Variants in CPA6 observed in about 807,000 individuals in gnomAD.
The protein encoded by CPA6 is carboxypeptidase A6.
Under a neutral mutation model 63.3 loss-of-function variants are expected in CPA6, and 58 were observed. That is an observed-to-expected ratio of 0.92 (90% CI 0.74 to 1.14). CPA6 has a LOEUF of 1.14. CPA6 is among the 50% of genes most tolerant of loss of function. CPA6 has a pLI of 0.00. For synonymous variants in CPA6, 185 were observed against 179.0 expected (o/e 1.03, Z -0.27); for missense variants, 565 against 526.6 (o/e 1.07, Z -0.71).
At chr8:67,626,392 A>G (rs185069795) in intron 1 of CPA6, among the ~76,000 whole-genome samples, 2 of 152,296 alleles carry the variant, frequency 1.3e-5, no homozygotes, top group Non-Finnish European at 2.9e-5. Context: ...CTTTAGGCCT[A>G]TGAATAAAAA....
At position 67,485,940 on chromosome 8, in the gene CPA6, G is replaced by A. The variant is rs190801741; in HGVS notation, c.637-1151C>T. ...ATATAGAATCTGATGAGTCTGGTAG[G>A]ATGTGTCTCCCCATGTTTTTTGAGT... is the stretch of plus-strand genomic sequence containing the variant. On this transcript the variant is annotated intron_variant, in intron 6 of 10. Transcript: ENST00000297770. Among the ~76,000 whole-genome samples, 175 of 152,276 alleles carry A rather than the reference G, an allele frequency of 1.1e-3. 1 individual carries two copies. The highest frequency in any genetic ancestry group is 3.8e-3 in the African/African-American group (156 of 41,556).
At chr8:67,714,017 C>T (rs781472018) in intron 1 of CPA6, among the ~76,000 whole-genome samples, 1 of 151,986 alleles carries the variant, frequency 6.6e-6, no homozygotes, top group Non-Finnish European at 1.5e-5. Context: ...AAATAATTGC[C>T]ATGTTAAAAT....
intron 2 of CPA6, among the ~76,000 whole-genome samples, chr8:67,606,292 T>A (rs901318722): frequency 6.6e-6 from 1 of 151,886 alleles, no homozygotes; most frequent in African/African-American, 2.4e-5. Flanking sequence ...GTAACAAACC[T>A]GCACATTGTG....
chr8:67,551,172 T>C (rs1037913556), intron 2 of CPA6, among the ~76,000 whole-genome samples: 10 of 152,198 alleles, frequency 6.6e-5, no homozygotes, highest in African/African-American at 1.7e-4. Flanking sequence ...AGGTCTTACA[T>C]TGAAATCTTT....
At position 67,487,645 on chromosome 8, in the gene CPA6, G is replaced by A. The variant is rs192010439; in HGVS notation, c.637-2856C>T. On this transcript the variant is annotated intron_variant, in intron 6 of 10. Transcript: ENST00000297770. ...AATCGCCACATTGTCTTCCACAATC[G>A]TTGAACTAGTTTACAGTCCCACCAA... is the stretch of plus-strand genomic sequence containing the variant. 3.9e-4 allele frequency among the ~76,000 whole-genome samples: 59 copies of A among 152,308 alleles called. No individual in the cohort carries two copies. The Middle Eastern group carries it at 0.02, about 53-fold the overall frequency.
At chr8:67,647,665 C>T (rs956636156) in intron 1 of CPA6, among the ~76,000 whole-genome samples, 3 of 152,124 alleles carry the variant, frequency 2.0e-5, no homozygotes, top group Admixed American at 6.5e-5. Flanking sequence ...CCCTTATCTG[C>T]CTAAAGTCTG....
intron 1 of CPA6, among the ~76,000 whole-genome samples, chr8:67,744,033 G>A (rs1020384955): frequency 6.6e-5 from 10 of 152,144 alleles, no homozygotes; most frequent in African/African-American, 1.9e-4. Flanking sequence ...CTTGTTCACC[G>A]GAAGGCTAAA....
At chr8:67,597,344 G>A (rs955112163) in intron 2 of CPA6, among the ~76,000 whole-genome samples, 1 of 151,704 alleles carries the variant, frequency 6.6e-6, no homozygotes, top group Admixed American at 6.6e-5. Flanking sequence ...GACTACAAGA[G>A]CACACAACCA....
chr8:67,483,625 ATGTACGTATC>A, intron 8 of CPA6, 133 bp downstream of exon 8: 1 of 748,684 alleles, frequency 1.3e-6, no homozygotes, highest in Non-Finnish European at 2.5e-6. Context: ...TACAGCTATC[ATGTACGTATC>A]TGTACCTTTC....
At position 67,655,345 on chromosome 8, in the gene CPA6, T is replaced by C. The variant is rs562631101; in HGVS notation, c.117-31094A>G. Among the ~76,000 whole-genome samples the C allele has an allele frequency of 7.4e-4, 112 of 152,202 alleles. 1 individual carries two copies. Among genetic ancestry groups the C allele is most frequent in the African/African-American group, 2.6e-3 (110 of 41,540 alleles). On this transcript the variant is annotated intron_variant, in intron 1 of 10. Transcript: ENST00000297770. ...TCTCACAACAGAGATCCAGCTACCATTAGCACAGTGTCTGTGATTTCATAT... is the reference window on the plus strand; with the variant it reads ...TCTCACAACAGAGATCCAGCTACCACTAGCACAGTGTCTGTGATTTCATAT...
intron 1 of CPA6, among the ~76,000 whole-genome samples, chr8:67,713,235 C>A (rs1817310688): frequency 6.7e-6 from 1 of 150,122 alleles, no homozygotes; most frequent in African/African-American, 2.5e-5. Context: ...TACCTTTTGT[C>A]TATTATAATG....
chr8:67,674,214 G>A (rs1435366691), intron 1 of CPA6, among the ~76,000 whole-genome samples: 1 of 152,184 alleles, frequency 6.6e-6, no homozygotes, highest in African/African-American at 2.4e-5. Context: ...TCTGATTTCA[G>A]GGCTCAGGCT....
chr8:67,713,578 G>T (rs1051805974), intron 1 of CPA6, among the ~76,000 whole-genome samples: 2 of 152,142 alleles, frequency 1.3e-5, no homozygotes, highest in African/African-American at 4.8e-5. Context: ...GTAGAACTTG[G>T]AATACACACA....
intron 8 of CPA6, among the ~76,000 whole-genome samples, chr8:67,463,100 G>A (rs1477110590): frequency 6.6e-6 from 1 of 152,148 alleles, no homozygotes; most frequent in Non-Finnish European, 1.5e-5. Flanking sequence ...TAGGTTGTAT[G>A]GGAAAAATAA....
At chr8:67,538,423 C>T (rs1812633784) in intron 2 of CPA6, among the ~76,000 whole-genome samples, 1 of 151,794 alleles carries the variant, frequency 6.6e-6, no homozygotes, top group Non-Finnish European at 1.5e-5. Flanking sequence ...TGTATTGATC[C>T]CTTTATCATT....
intron 1 of CPA6, among the ~76,000 whole-genome samples, chr8:67,662,099 G>C (rs927383581): frequency 6.6e-6 from 1 of 152,170 alleles, no homozygotes; most frequent in Non-Finnish European, 1.5e-5. Context: ...GGTTCTGGGG[G>C]AGGCAGGTAG....
chr8:67,741,805 T>C (rs1194086586), intron 1 of CPA6, among the ~76,000 whole-genome samples: 2 of 152,194 alleles, frequency 1.3e-5, no homozygotes, highest in African/African-American at 2.4e-5. Flanking sequence ...AATTATTTCA[T>C]TACATATTAT....
At chr8:67,711,667 T>C (rs971459135) in intron 1 of CPA6, among the ~76,000 whole-genome samples, 5 of 147,824 alleles carry the variant, frequency 3.4e-5, no homozygotes, top group African/African-American at 1.3e-4. Context: ...TGTATGCATG[T>C]GGTATATGTA....
chr8:67,735,902 C>A (rs2129003621), intron 1 of CPA6, among the ~76,000 whole-genome samples: 1 of 152,220 alleles, frequency 6.6e-6, no homozygotes, highest in Middle Eastern at 3.4e-3. Context: ...GCCTTCCCTC[C>A]CCTCTCCCTC....
Sources: allele counts gnomAD v4.1 joint callset (sites outside exome capture counted in the v4.1 genomes callset), GRCh38; gene constraint gnomAD v4.1.1; transcripts MANE v1.5; gene names NCBI Gene and HGNC (gene_info 2026-07-23, HGNC 2026-07-21).